LAMA4: variants seen among roughly 807,000 people sequenced by gnomAD.
LAMA4 encodes laminin subunit alpha-4.
LAMA4 carries 127 observed loss-of-function variants against 207.1 expected under a neutral mutation model. The observed-to-expected ratio is 0.61, with a 90% CI of 0.53 to 0.71. The LOEUF (loss-of-function observed/expected upper bound fraction) is 0.71. Among genes scored for constraint, LAMA4 ranks in the 30% least tolerant of loss-of-function variants. The probability of loss-of-function intolerance (pLI) is 0.00; values close to 1 mark genes in which losing one functional copy is unlikely to be tolerated. For synonymous variants in LAMA4, 761 were observed against 816.0 expected, an observed-to-expected ratio of 0.93 and a Z score of 1.15; for missense variants, 2,093 against 2,246.5, an observed-to-expected ratio of 0.93 and a Z score of 1.38.
chr6:112,186,985 A>C (rs1022670186), intron 8 of LAMA4: 2 of 437,402 alleles, frequency 4.6e-6, no homozygotes, highest in African/African-American at 4.1e-5. Context: ...ATGTGTGTAA[A>C]TAAGAAGGAA....
chr6:112,153,898 T>C (rs920338056), intron 16 of LAMA4, among the ~76,000 whole-genome samples: 1 of 152,116 alleles, frequency 6.6e-6, no homozygotes, highest in Non-Finnish European at 1.5e-5. Context: ...AATAAATAAG[T>C]ATCTGTGTAT....
chr6:112,148,299 G>T lies in LAMA4; in HGVS notation c.2211C>A (p.Ile737=). ...AQQRLGQSRL[I]TEEANRTTME... is the part of the protein sequence containing the mutation. ...TCGTCGTCCTGTTGGCTTCCTCGGT[G>T]ATCAGTCTAGACTGCCCCAGGCGCT... is the stretch of plus-strand genomic sequence containing the variant. The change falls in exon 18 of 39, where the codon ATC becomes ATA. Residue 737 remains isoleucine, a synonymous_variant. Coordinates refer to ENST00000230538, the MANE Select transcript of LAMA4 (RefSeq NM_001105206.3). 1 of 1,614,198 alleles carries T rather than the reference G, an allele frequency of 6.2e-7. No individual in the cohort carries two copies. Among genetic ancestry groups the T allele is most frequent in the Non-Finnish European group, 8.5e-7 (1 of 1,180,028 alleles).
intron 2 of LAMA4, among the ~76,000 whole-genome samples, chr6:112,224,813 C>CA (rs782785024): frequency 0.16 from 10,477 of 67,440 alleles, 860 homozygotes; most frequent in East Asian, 0.37. Flanking sequence ...AAGACTGTCT[C>CA]AAAAAAAAAA....
chr6:112,139,428 A>G (rs1445342396), intron 23 of LAMA4, 137 bp from the exon 24 acceptor site: 4 of 934,670 alleles, frequency 4.3e-6, no homozygotes, highest in Admixed American at 2.0e-5. Flanking sequence ...TCTGCAAGGA[A>G]GAGATAAAGA....
In LAMA4 at chr6:112,130,035, T is replaced by G. The variant is rs782675727; in HGVS notation, c.3974A>C (p.Glu1325Ala). 7.4e-6 allele frequency: 12 copies of G among 1,612,790 alleles called. No homozygotes were observed. The highest frequency in any genetic ancestry group is 9.3e-6 in the Non-Finnish European group (11 of 1,179,294). Residue 1325 changes from glutamate (E) to alanine (A), a missense_variant, in exon 30 of 39, where the codon GAA becomes GCA. Glu to Ala is a moderately radical substitution (Grantham distance 107). Coordinates refer to ENST00000230538, the MANE Select transcript of LAMA4 (RefSeq NM_001105206.3). ...VISSVSPTRYELIVDKSRVGS... is the reference protein window; with the variant it reads ...VISSVSPTRYALIVDKSRVGS... ...AACTCTGCTTTTATCTACTATCAGT[T>G]CATATCTGCAAAAGAAAAAGGCTTC...
chr6:112,224,443 T>A (rs941814375), intron 2 of LAMA4, among the ~76,000 whole-genome samples: 2 of 152,170 alleles, frequency 1.3e-5, no homozygotes, highest in Non-Finnish European at 2.9e-5. Context: ...GCTATGCTGA[T>A]CCATGCCTCC....
rs782312002 is a variant in LAMA4 at position 112,253,919 on chromosome 6, G to A, written c.195+37C>T. 3.1e-6 allele frequency: 5 copies of A among 1,612,040 alleles called. No homozygotes were observed. In the Admixed American group the frequency reaches 5.0e-5, roughly 16 times the overall value. ...TGTGGCACAGCCCGCGGGGGCGCAGGTGCCCCAGCAGGGTGGCAATGGCAG... is the reference window on the plus strand; with the variant it reads ...TGTGGCACAGCCCGCGGGGGCGCAGATGCCCCAGCAGGGTGGCAATGGCAG... On this transcript the variant is annotated intron_variant, in intron 2 of 38. Transcript: ENST00000230538.
At chr6:112,124,830 C>T (rs950071528) in intron 31 of LAMA4, among the ~76,000 whole-genome samples, 10 of 151,010 alleles carry the variant, frequency 6.6e-5, no homozygotes. Context: ...GATGTCAGCT[C>T]ACTGCAAACT....
rs377204776 is a variant in LAMA4, at chr6:112,109,516, A to G, written c.5393T>C (p.Ile1798Thr). 3.0e-5 allele frequency: 48 copies of G among 1,613,974 alleles called. No homozygotes were observed. The highest frequency in any genetic ancestry group is 1.6e-4 in the African/African-American group (12 of 74,924). ...PFTGCIRHFV[I>T]DGHPVSFSKA... ...ACTGAAGCTCACTGGGTGTCCATCA[A>G]TCACAAAGTGGCGTATGCAGCCTGT... The change falls in exon 39 of 39, where the codon ATT (isoleucine) becomes ACT (threonine). Residue 1798 changes from isoleucine to threonine, a missense_variant. Around this residue, in one of 3 missense-constraint regions of LAMA4, gnomAD observed 383 missense variants for 437.8 expected, o/e 0.87. Coordinates refer to ENST00000230538, the MANE Select transcript of LAMA4 (RefSeq NM_001105206.3).
chr6:112,116,665 T>C (rs1778037654), intron 35 of LAMA4, among the ~76,000 whole-genome samples: 1 of 152,204 alleles, frequency 6.6e-6, no homozygotes, highest in Non-Finnish European at 1.5e-5. Flanking sequence ...ATAGTTGTGT[T>C]TACTCCAAGA....
chr6:112,117,337 G>A lies in LAMA4; in HGVS notation c.4981+402C>T, dbSNP rs1394576408. Among the ~76,000 whole-genome samples the A allele has an allele frequency of 6.6e-6, 1 of 152,092 alleles. No homozygotes were observed. Among genetic ancestry groups the A allele is most frequent in the Non-Finnish European group, 1.5e-5 (1 of 68,026 alleles). ...ATAAAAATTTCTGAAGGATAACGTT[G>A]TCTGCTGGTGTTGCAAGTCATGGGG... On this transcript the variant is annotated intron_variant, in intron 35 of 38. Transcript: ENST00000230538. The surrounding 1 kb of genome is among the most constrained non-coding windows in gnomAD (Gnocchi z 4.5).
rs1777870662 is a variant in LAMA4 at position 112,114,155 on chromosome 6, A to G, written c.5247T>C (p.Ser1749=). The change falls in exon 38 of 39, where the codon TCT becomes TCC. Residue 1749 remains serine, a synonymous_variant. Transcript: ENST00000230538. The part of the protein sequence containing the change: ...DSNVVQLDVD[S]EVNHVVGPLN... ...GGGGTCCAACCACATGGTTCACTTC[A>G]GAGTCCACATCCAACTGAACCACAT... The G allele has an allele frequency of 6.2e-7, 1 of 1,613,784 alleles. No homozygotes were observed. Among genetic ancestry groups the G allele is most frequent in the Admixed American group, 1.7e-5 (1 of 59,994 alleles).
chr6:112,180,000 A>T, intron 9 of LAMA4: 1 of 501,662 alleles, frequency 2.0e-6, no homozygotes, highest in Non-Finnish European at 4.1e-6. Flanking sequence ...ATATGCAGAA[A>T]CTATAATAAA....
intron 23 of LAMA4, 24 bp downstream of exon 23, chr6:112,139,728 T>C (rs1333386457): frequency 1.2e-6 from 2 of 1,612,464 alleles, no homozygotes; most frequent in Non-Finnish European, 1.7e-6. Flanking sequence ...ATCCAAGTCT[T>C]TAGTACTCTT....
intron 12 of LAMA4, among the ~76,000 whole-genome samples, chr6:112,168,626 G>A (rs797033457): frequency 2.2e-4 from 34 of 152,144 alleles, no homozygotes; most frequent in African/African-American, 7.5e-4. Flanking sequence ...GATTACAGGC[G>A]TGAGCCACCG....
At chr6:112,138,281 T>A (rs548062524) in intron 24 of LAMA4, among the ~76,000 whole-genome samples, 1 of 152,176 alleles carries the variant, frequency 6.6e-6, no homozygotes, top group African/African-American at 2.4e-5. Flanking sequence ...GTGAATGTGA[T>A]TGAAAACTAT....
At chr6:112,164,500 G>A (rs1781270612) in intron 13 of LAMA4, among the ~76,000 whole-genome samples, 1 of 152,172 alleles carries the variant, frequency 6.6e-6, no homozygotes, top group African/African-American at 2.4e-5. Context: ...GGAGGTCAGA[G>A]AGTCGGTGAC....
intron 2 of LAMA4, among the ~76,000 whole-genome samples, chr6:112,228,959 T>A (rs1439711844): frequency 2.0e-5 from 3 of 152,152 alleles, no homozygotes; most frequent in African/African-American, 7.2e-5. Context: ...ATCTGGGGAC[T>A]ATTCAGTGGT....
rs1779687987 is a variant in LAMA4 at position 112,141,428 on chromosome 6, C to T, written c.2743G>A (p.Val915Met). 6.2e-7 allele frequency: 1 copy of T among 1,613,288 alleles called. No individual in the cohort carries two copies. The highest frequency in any genetic ancestry group is 1.1e-5 in the South Asian group (1 of 91,076). Residue 915 changes from valine (V) to methionine (M), a missense_variant, in exon 21 of 39, where the codon GTG becomes ATG. Around this residue, in one of 3 missense-constraint regions of LAMA4, gnomAD observed 1,704 missense variants for 1,788.4 expected, o/e 0.95. Coordinates refer to ENST00000230538, the MANE Select transcript of LAMA4 (RefSeq NM_001105206.3). ...VYVYNLGTKDVEIPLDSKPVS... is the reference protein window; with the variant it reads ...VYVYNLGTKDMEIPLDSKPVS... ...GGCTTGGAGTCCAGGGGAATCTCCA[C>T]ATCTTTAGTTCCCAAATTATAGACG...
Sources: gnomAD v4.1 joint callset for allele counts (sites outside exome capture counted in the v4.1 genomes callset) on GRCh38, gnomAD v4.1.1 for gene constraint, gnomAD v4.1.1 regional missense constraint, Gnocchi (gnomAD v3.1) non-coding constraint, MANE v1.5 for transcripts, NCBI Gene and HGNC (gene_info 2026-07-23, HGNC 2026-07-21) for gene names.